Variants in DACH1 observed in about 807,000 individuals in gnomAD.
DACH1 encodes the protein dachshund homolog 1.
In DACH1, 12 loss-of-function variants were observed where a neutral mutation model predicts 54.2. The observed-to-expected ratio is 0.22, with a 90% CI of 0.14 to 0.36. The LOEUF (loss-of-function observed/expected upper bound fraction) is 0.36, where lower values mean the gene tolerates loss of function less well. Among genes scored for constraint, DACH1 ranks in the 10% least tolerant of loss-of-function variants. DACH1 has a pLI of 1.00. For synonymous variants in DACH1, 386 were observed against 366.2 expected (o/e 1.05, Z -0.62); for missense variants, 805 against 929.8 (o/e 0.87, Z 1.75).
At chr13:71,473,091 G>GT (rs1166083731) in intron 10 of DACH1, among the ~76,000 whole-genome samples, 2 of 152,046 alleles carry the variant, frequency 1.3e-5, no homozygotes, top group Non-Finnish European at 2.9e-5. Context: ...CATTGACAGT[G>GT]TTTTTTCTTA....
intron 1 of DACH1, among the ~76,000 whole-genome samples, chr13:71,856,849 A>G (rs1874036278): frequency 6.6e-6 from 1 of 151,970 alleles, no homozygotes; most frequent in East Asian, 1.9e-4. Flanking sequence ...AAGAAGTGGT[A>G]ATACACATCT....
At chr13:71,791,585 T>C (rs2138095916) in intron 1 of DACH1, among the ~76,000 whole-genome samples, 1 of 152,278 alleles carries the variant, frequency 6.6e-6, no homozygotes, top group East Asian at 1.9e-4. Context: ...GGTTTCACCA[T>C]GTTGGCCAGA....
At chr13:71,587,912 C>A (rs1873399862) in intron 3 of DACH1, among the ~76,000 whole-genome samples, 1 of 152,022 alleles carries the variant, frequency 6.6e-6, no homozygotes, top group Non-Finnish European at 1.5e-5. Context: ...GCTGCAGCAC[C>A]TTGTTACTGC....
chr13:71,787,972 A>T (rs1463944544), intron 1 of DACH1, among the ~76,000 whole-genome samples: 2 of 152,188 alleles, frequency 1.3e-5, no homozygotes, highest in Non-Finnish European at 1.5e-5. Context: ...AACTATTTTT[A>T]AAAATACAGT....
intron 8 of DACH1, among the ~76,000 whole-genome samples, chr13:71,476,884 T>C (rs1218189913): frequency 1.3e-5 from 2 of 151,474 alleles, no homozygotes; most frequent in Non-Finnish European, 2.9e-5. Flanking sequence ...ATTGTAGATA[T>C]CAACGTGACA....
chr13:71,596,079 G>C (rs1281340784), intron 3 of DACH1, among the ~76,000 whole-genome samples: 1 of 151,580 alleles, frequency 6.6e-6, no homozygotes. Flanking sequence ...TCCACAGGTG[G>C]GGACACTAAC....
intron 1 of DACH1, among the ~76,000 whole-genome samples, chr13:71,739,200 C>T (rs968062995): frequency 3.3e-5 from 5 of 151,758 alleles, no homozygotes; most frequent in African/African-American, 9.7e-5. Flanking sequence ...TGTGGTGAGC[C>T]GAGATCGCGC....
chr13:71,670,349 A>T (rs953566202), intron 2 of DACH1, among the ~76,000 whole-genome samples: 1 of 152,180 alleles, frequency 6.6e-6, no homozygotes, highest in Non-Finnish European at 1.5e-5. Flanking sequence ...ATACAGCCAT[A>T]ATCAATTGAA....
chr13:71,807,419 C>CAAAAAAAAAAAA (rs10688170), intron 1 of DACH1, among the ~76,000 whole-genome samples: 1 of 99,670 alleles, frequency 1.0e-5, no homozygotes. Flanking sequence ...TCACAGATTG[C>CAAAAAAAAAAAA]AAAAAAAAAA....
intron 1 of DACH1, among the ~76,000 whole-genome samples, chr13:71,769,269 T>G (rs1885758385): frequency 6.6e-6 from 1 of 151,670 alleles, no homozygotes; most frequent in Admixed American, 6.6e-5. Context: ...TTAACCACAT[T>G]AAAGATTCCA....
At chr13:71,569,216 T>C (rs1329288182) in intron 4 of DACH1, among the ~76,000 whole-genome samples, 1 of 152,122 alleles carries the variant, frequency 6.6e-6, no homozygotes, top group Non-Finnish European at 1.5e-5. Context: ...AGAGTTTAGT[T>C]TGAGCTGCTT....
intron 3 of DACH1, among the ~76,000 whole-genome samples, chr13:71,589,896 A>G (rs552122599): frequency 8.5e-5 from 13 of 152,168 alleles, no homozygotes; most frequent in African/African-American, 3.1e-4. Context: ...TAAAAGTATA[A>G]TTAATAACAC....
At chr13:71,462,891 CACACACACACACACACACACACACAT>C (rs1191301914) in intron 10 of DACH1, among the ~76,000 whole-genome samples, 2 of 56,610 alleles carry the variant, frequency 3.5e-5, no homozygotes, top group Admixed American at 2.5e-4. Flanking sequence ...CACACACACA[CACACACACACACACACACACACACAT>C]AAACCATGAA....
chr13:71,651,534 G>A (rs867788268), intron 2 of DACH1, among the ~76,000 whole-genome samples: 3 of 152,002 alleles, frequency 2.0e-5, no homozygotes, highest in East Asian at 3.9e-4. Flanking sequence ...GGTGGCACAC[G>A]CCTGTAGTCC....
chr13:71,637,039 A>G (rs1240165449), intron 2 of DACH1, among the ~76,000 whole-genome samples: 5 of 152,132 alleles, frequency 3.3e-5, no homozygotes, highest in Non-Finnish European at 7.3e-5. Flanking sequence ...CTGCTAAATT[A>G]CTGACCAGCA....
At chr13:71,689,112 A>G (rs1881338309) in intron 1 of DACH1, among the ~76,000 whole-genome samples, 1 of 152,210 alleles carries the variant, frequency 6.6e-6, no homozygotes, top group African/African-American at 2.4e-5. Flanking sequence ...TGATATAATC[A>G]ATGGTATGAT....
At chr13:71,600,393 C>T (rs529389416) in intron 3 of DACH1, among the ~76,000 whole-genome samples, 1 of 152,072 alleles carries the variant, frequency 6.6e-6, no homozygotes, top group Admixed American at 6.6e-5. Context: ...ACTATATATG[C>T]CCAAATCCTG....
chr13:71,693,901 C>T (rs1181415712), intron 1 of DACH1, among the ~76,000 whole-genome samples: 1 of 152,082 alleles, frequency 6.6e-6, no homozygotes, highest in Non-Finnish European at 1.5e-5. Flanking sequence ...GGTCTTGGAA[C>T]ATATCCCCCA....
intron 1 of DACH1, among the ~76,000 whole-genome samples, chr13:71,830,528 A>G (rs186880071): frequency 3.3e-5 from 5 of 151,888 alleles, no homozygotes; most frequent in Non-Finnish European, 7.4e-5. Flanking sequence ...CACCTACTTA[A>G]GCATATATAA....
Sources: gnomAD v4.1 joint callset for allele counts (sites outside exome capture counted in the v4.1 genomes callset) on GRCh38, gnomAD v4.1.1 for gene constraint, MANE v1.5 for transcripts, NCBI Gene and HGNC (gene_info 2026-07-23, HGNC 2026-07-21) for gene names.